The following COL21A1 variants were observed in gnomAD, a reference collection of about 807,000 sequenced individuals.
COL21A1 encodes collagen type XXI alpha 1 chain.
In COL21A1, 149 loss-of-function variants were observed where a neutral mutation model predicts 137.9. The ratio of observed to expected loss-of-function variants is 1.08; its 90% CI spans 0.95 to 1.24. The LOEUF (loss-of-function observed/expected upper bound fraction) is 1.24, where lower values mean the gene tolerates loss of function less well. COL21A1 is among the 50% of genes most tolerant of loss of function. The pLI is 0.00. For missense variants in COL21A1, 1,167 were observed against 1,158.4 expected, an observed-to-expected ratio of 1.01 and a Z score of -0.11; for synonymous variants, 456 against 391.5, an observed-to-expected ratio of 1.16 and a Z score of -1.95.
chr6:56,184,146 C>T (rs1402980078), intron 1 of COL21A1, among the ~76,000 whole-genome samples: 2 of 151,948 alleles, frequency 1.3e-5, no homozygotes, highest in South Asian at 2.1e-4. Context: ...AAAAATTTTC[C>T]GAATTAATGA....
At chr6:56,144,028 G>T (rs1459834417) in intron 10 of COL21A1, among the ~76,000 whole-genome samples, 1 of 152,124 alleles carries the variant, frequency 6.6e-6, no homozygotes, top group African/African-American at 2.4e-5. Context: ...AATCTACATG[G>T]AATTTGCTCA....
upstream of COL21A1, among the ~76,000 whole-genome samples, chr6:56,250,094 T>G (rs188337086): frequency 2.0e-4 from 31 of 152,370 alleles, no homozygotes; most frequent in Admixed American, 1.6e-3. Flanking sequence ...TGCACAATCG[T>G]TGCTTGATTT....
At chr6:56,158,713 G>A (rs1293538481) in intron 9 of COL21A1, among the ~76,000 whole-genome samples, 4 of 151,540 alleles carry the variant, frequency 2.6e-5, no homozygotes, top group Non-Finnish European at 5.9e-5. Context: ...GAAACAACAG[G>A]AAAAAAAATG....
chr6:56,348,468 A>G (rs1765641299), intron 1 of COL21A1, among the ~76,000 whole-genome samples: 1 of 152,210 alleles, frequency 6.6e-6, no homozygotes. Context: ...ACACAGGCTC[A>G]GCTCCACCTG....
At chr6:56,349,527 G>A (rs9396206) in intron 1 of COL21A1, among the ~76,000 whole-genome samples, 54,236 of 151,916 alleles carry the variant, frequency 0.36, 10,481 homozygotes, top group East Asian at 0.72. Flanking sequence ...GTGGCAATAG[G>A]TATATCTCTA....
In COL21A1 at chr6:56,124,343, A is replaced by T. The variant is rs756717753; in HGVS notation, c.1651-51T>A. 3.3e-6 allele frequency: 5 copies of T among 1,511,458 alleles called. No homozygotes were observed. In the African/African-American group the frequency reaches 6.9e-5, roughly 21 times the overall value. 93.6% of individuals were successfully genotyped at this position (1,511,458 alleles called of 1,614,324 possible). ...CACAATCTTTACAATAATGTTTTCAAGTTCCAACCAAAACTTAAATAGAAA... is the reference window on the plus strand; with the variant it reads ...CACAATCTTTACAATAATGTTTTCATGTTCCAACCAAAACTTAAATAGAAA... On this transcript the variant is annotated intron_variant, in intron 14 of 29. Coordinates refer to ENST00000244728, the MANE Select transcript of COL21A1 (RefSeq NM_030820.4).
intron 17 of COL21A1, among the ~76,000 whole-genome samples, chr6:56,083,360 C>T (rs1767958376): frequency 6.6e-6 from 1 of 151,990 alleles, no homozygotes; most frequent in Non-Finnish European, 1.5e-5. Context: ...TTCATTTTCT[C>T]TATCTTCATA....
At chr6:56,238,495 G>A (rs555853804) in intron 1 of COL21A1, among the ~76,000 whole-genome samples, 100 of 146,750 alleles carry the variant, frequency 6.8e-4, no homozygotes, top group African/African-American at 2.5e-3. Flanking sequence ...CAAACCACTT[G>A]CAGTTACAAG....
At chr6:56,204,722 C>T (rs1706843631) in intron 1 of COL21A1, among the ~76,000 whole-genome samples, 1 of 152,166 alleles carries the variant, frequency 6.6e-6, no homozygotes, top group Non-Finnish European at 1.5e-5. Flanking sequence ...ACACCTCATA[C>T]AGGAGAGCTC....
chr6:56,109,189 GAAATA>G (rs1181481776), intron 16 of COL21A1, among the ~76,000 whole-genome samples: 2 of 151,072 alleles, frequency 1.3e-5, no homozygotes, highest in South Asian at 2.1e-4. Context: ...AAAGAATAAA[GAAATA>G]AAATAGGATA....
chr6:56,232,259 C>G (rs1781616792), intron 1 of COL21A1, among the ~76,000 whole-genome samples: 1 of 151,774 alleles, frequency 6.6e-6, no homozygotes, highest in Admixed American at 6.6e-5. Context: ...CTCAAGAGAA[C>G]TAAAAATCAT....
chr6:56,250,695 T>G (rs2152329064), upstream of COL21A1, among the ~76,000 whole-genome samples: 1 of 152,300 alleles, frequency 6.6e-6, no homozygotes, highest in South Asian at 2.1e-4. Context: ...TGATATTAAC[T>G]ATTTGTGATG....
chr6:56,286,520 G>A lies in COL21A1; in HGVS notation c.-38-103864C>T, dbSNP rs558272404. Among the ~76,000 whole-genome samples, 13 of 152,268 alleles carry A rather than the reference G, an allele frequency of 8.5e-5. No individual in the cohort carries two copies. The South Asian group carries it at 1.0e-3, about 12-fold the overall frequency. ...TTTCCCAAATAAAATTCTAAGTTCC[G>A]TGAGGCTGATACCATGTAAGCTACT... On this transcript the variant is annotated intron_variant, in intron 1 of 28. Coordinates refer to the COL21A1 transcript ENST00000370819.
intron 1 of COL21A1, among the ~76,000 whole-genome samples, chr6:56,208,498 C>A (rs538952253): frequency 1.3e-5 from 2 of 152,150 alleles, no homozygotes; most frequent in Non-Finnish European, 2.9e-5. Flanking sequence ...ATGAGAACTA[C>A]AAACCACTGC....
chr6:56,112,493 T>C (rs1406668465), intron 16 of COL21A1, among the ~76,000 whole-genome samples: 1 of 151,768 alleles, frequency 6.6e-6, no homozygotes, highest in Admixed American at 6.6e-5. Flanking sequence ...AATCCTGAAT[T>C]ACCGATGCCA....
At chr6:56,208,920 A>G (rs1007513696) in intron 1 of COL21A1, among the ~76,000 whole-genome samples, 3 of 152,058 alleles carry the variant, frequency 2.0e-5, no homozygotes, top group Non-Finnish European at 4.4e-5. Flanking sequence ...AACAAGCAAC[A>G]GGGAAAGGAT....
chr6:56,182,675 C>T lies in COL21A1; in HGVS notation c.-38-19G>A. On this transcript the variant is annotated intron_variant, in intron 1 of 29. Transcript: ENST00000244728. ...AGGATTCCTAGGGGGAAAAAAAAGGCAAGTTAAATATATTAATTAAAGTCA... is the reference window on the plus strand; with the variant it reads ...AGGATTCCTAGGGGGAAAAAAAAGGTAAGTTAAATATATTAATTAAAGTCA... 1.8e-6 allele frequency: 2 copies of T among 1,098,406 alleles called. No homozygotes were observed. The highest frequency in any genetic ancestry group is 1.6e-5 in the African/African-American group (1 of 63,342). 68.0% of individuals were successfully genotyped at this position (1,098,406 alleles called of 1,614,324 possible).
At position 56,097,945 on chromosome 6, in the gene COL21A1, A is replaced by AAATATATAAAAATATATG. The variant is rs1298738603; in HGVS notation, c.1812+3526_1812+3527insCATATATTTTTATATATT. Among the ~76,000 whole-genome samples the AAATATATAAAAATATATG allele has an allele frequency of 1.1e-3, 104 of 92,590 alleles. 3 individuals are homozygous for AAATATATAAAAATATATG. Among genetic ancestry groups the AAATATATAAAAATATATG allele is most frequent in the East Asian group, 2.7e-3 (10 of 3,712 alleles). 60.7% of individuals were successfully genotyped at this position (92,590 alleles called of 152,430 possible). ...AATATATAAATATATAAAAATATATATAAATATAAAAATATATATAAATAT... is the reference window on the plus strand; with the variant it reads ...AATATATAAATATATAAAAATATATAAATATATAAAAATATATGTAAATATAAAAATATATATAAATAT... On this transcript the variant is annotated intron_variant, in intron 17 of 29. Transcript: ENST00000244728.
At chr6:56,097,918 T>C (rs1452953098) in intron 17 of COL21A1, among the ~76,000 whole-genome samples, 1 of 91,494 alleles carries the variant, frequency 1.1e-5, no homozygotes, top group Non-Finnish European at 2.0e-5. Context: ...TAAATATATA[T>C]AAATATATAA....
Sources: allele counts gnomAD v4.1 joint callset (sites outside exome capture counted in the v4.1 genomes callset), GRCh38; gene constraint gnomAD v4.1.1; transcripts MANE v1.5; gene names NCBI Gene and HGNC (gene_info 2026-07-23, HGNC 2026-07-21).